TRPM3: variants seen among roughly 807,000 people sequenced by gnomAD.
The protein encoded by TRPM3 is transient receptor potential cation channel subfamily M member 3.
A neutral mutation model predicts 181.2 loss-of-function variants in TRPM3; 77 were observed. The ratio of observed to expected loss-of-function variants is 0.42; its 90% CI spans 0.35 to 0.51. The LOEUF (loss-of-function observed/expected upper bound fraction) is 0.51. Among genes scored for constraint, TRPM3 ranks in the 20% least tolerant of loss-of-function variants. The pLI is 0.01. For missense variants in TRPM3, 1,759 were observed against 2,196.7 expected, an observed-to-expected ratio of 0.80 and a Z score of 3.98; for synonymous variants, 745 against 796.4, an observed-to-expected ratio of 0.94 and a Z score of 1.09.
chr9:71,397,393 G>C (rs1398759642), intron 1 of TRPM3, among the ~76,000 whole-genome samples: 2 of 152,074 alleles, frequency 1.3e-5, no homozygotes, highest in Non-Finnish European at 1.5e-5. Context: ...CCTATAGGAT[G>C]CATTCTTGAA....
intron 8 of TRPM3, among the ~76,000 whole-genome samples, chr9:70,684,691 G>A (rs1314952892): frequency 6.6e-6 from 1 of 152,172 alleles, no homozygotes; most frequent in African/African-American, 2.4e-5. Flanking sequence ...TATTCTTGGA[G>A]GGAATGTGAA....
In TRPM3 at chr9:71,437,642, C is replaced by T. The variant is rs375067140; in HGVS notation, c.183+9011G>A. 3.3e-5 allele frequency among the ~76,000 whole-genome samples: 5 copies of T among 151,968 alleles called. No individual in the cohort carries two copies. The East Asian group carries it at 5.8e-4, about 18-fold the overall frequency. Reference sequence around the variant, plus strand: ...TAGCAGTTTGGGAGGCTATGGTGGGCGGATCACCTGAGGTCAGGAGTTTGA... The same window carrying T: ...TAGCAGTTTGGGAGGCTATGGTGGGTGGATCACCTGAGGTCAGGAGTTTGA... On this transcript the variant is annotated intron_variant, in intron 1 of 24. Transcript: ENST00000357533.
intron 1 of TRPM3, among the ~76,000 whole-genome samples, chr9:71,425,707 A>G (rs930660865): frequency 6.6e-6 from 1 of 151,966 alleles, no homozygotes; most frequent in Admixed American, 6.6e-5. Flanking sequence ...AGCTCACATC[A>G]TTTTCCTATT....
intron 8 of TRPM3, among the ~76,000 whole-genome samples, chr9:70,686,803 C>A (rs1308348934): frequency 7.0e-6 from 1 of 142,922 alleles, no homozygotes; most frequent in East Asian, 2.1e-4. Context: ...CCCTCCCTCC[C>A]TCTTTCTTTT....
chr9:71,189,273 C>T (rs917159829), intron 1 of TRPM3, among the ~76,000 whole-genome samples: 1 of 151,888 alleles, frequency 6.6e-6, no homozygotes, highest in Non-Finnish European at 1.5e-5. Flanking sequence ...AGGAGTAGAG[C>T]TTTCCCTTGC....
chr9:71,308,396 G>A (rs1362260487), intron 1 of TRPM3, among the ~76,000 whole-genome samples: 1 of 151,866 alleles, frequency 6.6e-6, no homozygotes, highest in African/African-American at 2.4e-5. Flanking sequence ...AGATTAACAG[G>A]GTTGTTTATA....
At chr9:71,235,394 T>A (rs986984831) in intron 1 of TRPM3, among the ~76,000 whole-genome samples, 9 of 152,228 alleles carry the variant, frequency 5.9e-5, no homozygotes, top group Non-Finnish European at 1.2e-4. Context: ...TCTCCCACAC[T>A]AGACCATGAG....
intron 1 of TRPM3, among the ~76,000 whole-genome samples, chr9:70,992,269 T>C (rs961249834): frequency 2.0e-5 from 3 of 152,218 alleles, no homozygotes; most frequent in African/African-American, 7.2e-5. Flanking sequence ...AAGCTGGTGT[T>C]CTAGTCAGTG....
intron 6 of TRPM3, among the ~76,000 whole-genome samples, chr9:70,788,805 C>T (rs571344464): frequency 2.1e-4 from 32 of 152,182 alleles, no homozygotes; most frequent in African/African-American, 6.5e-4. Context: ...ATAAGGAGCA[C>T]GCAACCTAGA....
intron 1 of TRPM3, among the ~76,000 whole-genome samples, chr9:70,950,287 T>G (rs1229328261): frequency 6.6e-6 from 1 of 152,158 alleles, no homozygotes; most frequent in Non-Finnish European, 1.5e-5. Flanking sequence ...TTGAAAAACC[T>G]TTTACAGAAA....
At chr9:71,024,939 T>C (rs1184885425) in intron 1 of TRPM3, among the ~76,000 whole-genome samples, 1 of 152,160 alleles carries the variant, frequency 6.6e-6, no homozygotes, top group Non-Finnish European at 1.5e-5. Flanking sequence ...AGTGTGTAGG[T>C]GGCTGCTTAC....
intron 1 of TRPM3, among the ~76,000 whole-genome samples, chr9:71,385,347 T>A (rs1047323451): frequency 6.6e-6 from 1 of 152,232 alleles, no homozygotes; most frequent in South Asian, 2.1e-4. Context: ...CCCAGCATGA[T>A]CTATATGCAT....
chr9:71,014,635 T>C lies in TRPM3; in HGVS notation c.177+106543A>G, dbSNP rs374588778. On this transcript the variant is annotated intron_variant, in intron 1 of 25. Coordinates refer to ENST00000677713, the MANE Select transcript of TRPM3 (RefSeq NM_001366145.2). Reference sequence around the variant, plus strand: ...TGTTTCATTTGGGCCCTGAATTCTATGCTGACTAATATCAAGATGGCAATT... The same window carrying C: ...TGTTTCATTTGGGCCCTGAATTCTACGCTGACTAATATCAAGATGGCAATT... Among the ~76,000 whole-genome samples the C allele has an allele frequency of 2.1e-4, 32 of 152,290 alleles. 1 individual carries two copies. The South Asian group carries it at 6.2e-3, about 30-fold the overall frequency.
chr9:70,611,474 T>C (rs962269618), intron 18 of TRPM3, among the ~76,000 whole-genome samples: 26 of 152,150 alleles, frequency 1.7e-4, no homozygotes, highest in Non-Finnish European at 3.4e-4. Context: ...CCTGCCACCA[T>C]ATAAGACATG....
intron 8 of TRPM3, among the ~76,000 whole-genome samples, chr9:70,697,886 C>T (rs916865445): frequency 2.6e-5 from 4 of 152,198 alleles, no homozygotes; most frequent in Admixed American, 1.3e-4. Context: ...CTACTATCCC[C>T]TCTCCTAGGT....
chr9:71,214,657 C>G (rs186341513), intron 1 of TRPM3, among the ~76,000 whole-genome samples: 1 of 152,280 alleles, frequency 6.6e-6, no homozygotes, highest in African/African-American at 2.4e-5. Flanking sequence ...AAAGGCCAAA[C>G]TGTTGGACAT....
rs546030438 is a variant in TRPM3, at chr9:71,410,806, A to C, written c.183+35847T>G. ...CAAAGCCTGGCAGAGACAACTAAAAAAGGAATTTTAGACCAATACTCCTGA... is the reference window on the plus strand; with the variant it reads ...CAAAGCCTGGCAGAGACAACTAAAACAGGAATTTTAGACCAATACTCCTGA... On this transcript the variant is annotated intron_variant, in intron 1 of 24. Coordinates refer to the TRPM3 transcript ENST00000357533. 3.2e-3 allele frequency among the ~76,000 whole-genome samples: 494 copies of C among 152,320 alleles called. 1 individual carries two copies. The highest frequency in any genetic ancestry group is 6.8e-3 in the Middle Eastern group (2 of 294).
chr9:70,607,687 G>A (rs553150095), intron 19 of TRPM3, among the ~76,000 whole-genome samples: 15 of 152,246 alleles, frequency 9.9e-5, no homozygotes, highest in African/African-American at 3.6e-4. Flanking sequence ...TGGATTCCAT[G>A]GGTCTATGAT....
chr9:71,319,331 G>A (rs1178076574), intron 1 of TRPM3, among the ~76,000 whole-genome samples: 5 of 152,100 alleles, frequency 3.3e-5, no homozygotes, highest in Non-Finnish European at 7.4e-5. Context: ...GAAAGCCAGG[G>A]TTGTCATTCT....
Sources: gnomAD v4.1 joint callset for allele counts (sites outside exome capture counted in the v4.1 genomes callset) on GRCh38, gnomAD v4.1.1 for gene constraint, MANE v1.5 for transcripts, NCBI Gene and HGNC (gene_info 2026-07-23, HGNC 2026-07-21) for gene names.